The following ITPR3 variants were observed in gnomAD, a reference collection of about 807,000 sequenced individuals.
ITPR3 encodes the protein inositol 1,4,5-trisphosphate-gated calcium channel ITPR3.
Under a neutral mutation model 293.2 loss-of-function variants are expected in ITPR3, and 173 were observed. The ratio of observed to expected loss-of-function variants is 0.59; its 90% CI spans 0.52 to 0.67. The LOEUF (loss-of-function observed/expected upper bound fraction) is 0.67, where lower values mean the gene tolerates loss of function less well. Among genes scored for constraint, ITPR3 ranks in the 30% least tolerant of loss-of-function variants. The pLI, the probability that ITPR3 is intolerant of heterozygous loss-of-function variation, is 0.00. For missense variants in ITPR3, 2,796 were observed against 3,592.1 expected, an observed-to-expected ratio of 0.78 and a Z score of 5.66; for synonymous variants, 1,295 against 1,444.4, an observed-to-expected ratio of 0.90 and a Z score of 2.35.
rs1037541808 is a variant in ITPR3, at chr6:33,621,511, C to A, written c.-92C>A. 5.6e-5 allele frequency: 49 copies of A among 879,698 alleles called. No homozygotes were observed. The highest frequency in any genetic ancestry group is 8.3e-5 in the Non-Finnish European group (46 of 552,210). 54.5% of individuals were successfully genotyped at this position (879,698 alleles called of 1,614,324 possible). A position where few individuals can be genotyped will look rare whatever the true frequency, so the allele number is the denominator to read the frequency against. On this transcript the variant is annotated 5_prime_UTR_variant, in exon 1 of 58. Transcript: ENST00000605930. The surrounding 1 kb of genome is among the most constrained non-coding windows in gnomAD (Gnocchi z 7.7). ...GGATCCGAGGTGGGAGCGTACCCCTCCCCGCTCCCCGGACGCCTCAGTCCT... is the reference window on the plus strand; with the variant it reads ...GGATCCGAGGTGGGAGCGTACCCCTACCCGCTCCCCGGACGCCTCAGTCCT...
chr6:33,684,265 G>A lies in ITPR3; in HGVS notation c.4938-92G>A. The A allele has an allele frequency of 6.3e-7, 1 of 1,594,774 alleles. No individual in the cohort carries two copies. The highest frequency in any genetic ancestry group is 8.6e-7 in the Non-Finnish European group (1 of 1,165,986). ...CTAGACAGGCTCACTGGGTCAGAGG[G>A]CCTGGGGGTGTTCCTGCCTGGGATG... On this transcript the variant is annotated intron_variant, in intron 36 of 57. Transcript: ENST00000605930. This position sits in a 1 kb window ranked among gnomAD's most constrained non-coding sequence, Gnocchi z 4.2.
intron 9 of ITPR3, 39 bp from the exon 10 acceptor site, chr6:33,663,461 G>T (rs754255911): frequency 6.3e-7 from 1 of 1,577,192 alleles, no homozygotes; most frequent in Non-Finnish European, 8.6e-7. Flanking sequence ...GTATAGTTTG[G>T]TGTCCAGTAG....
intron 8 of ITPR3, 34 bp from the exon 9 acceptor site, chr6:33,662,875 GTC>G (rs1764509322): frequency 6.4e-7 from 1 of 1,558,552 alleles, no homozygotes; most frequent in African/African-American, 1.4e-5. Flanking sequence ...TGCCTGTCCA[GTC>G]TCTCCTTCCT....
rs374634349 is a variant in ITPR3, at chr6:33,691,790, T to A, written c.7331-11T>A. On this transcript the variant is annotated splice_polypyrimidine_tract_variant and intron_variant, in intron 53 of 57. Transcript: ENST00000605930. This position sits in a 1 kb window ranked among gnomAD's most constrained non-coding sequence, Gnocchi z 4.9. ...AGGCAGCCCGGGCCTCAGCACACTCTCCGCTTGCAGAGGACAGGGAGCTGG... is the reference window on the plus strand; with the variant it reads ...AGGCAGCCCGGGCCTCAGCACACTCACCGCTTGCAGAGGACAGGGAGCTGG... The A allele has an allele frequency of 8.1e-6, 13 of 1,613,740 alleles. No individual in the cohort carries two copies. In the African/African-American group the frequency reaches 1.7e-4, roughly 22 times the overall value.
In ITPR3 at chr6:33,695,735, G is replaced by A; in HGVS notation, c.7971G>A (p.Arg2657=). ...KEQMTEQRKR[R]QRLGFVDVQN... ...AGATGACGGAGCAGCGGAAACGCAGGCAACGCCTAGGCTTTGTGGATGTCC... is the reference window on the plus strand; with the variant it reads ...AGATGACGGAGCAGCGGAAACGCAGACAACGCCTAGGCTTTGTGGATGTCC... Residue 2657 remains arginine, a synonymous_variant, in exon 58 of 58, where the codon AGG becomes AGA. Coordinates refer to ENST00000605930, the MANE Select transcript of ITPR3 (RefSeq NM_002224.4). 3.1e-6 allele frequency: 5 copies of A among 1,614,040 alleles called. No individual in the cohort carries two copies. The East Asian group carries it at 1.1e-4, about 36-fold the overall frequency.
Position 33,658,050 on chromosome 6 carries a change from C to T in ITPR3, c.369+32C>T. On this transcript the variant is annotated intron_variant, in intron 4 of 57. Coordinates refer to ENST00000605930, the MANE Select transcript of ITPR3 (RefSeq NM_002224.4). This position sits in a 1 kb window ranked among gnomAD's most constrained non-coding sequence, Gnocchi z 6.1. The stretch of plus-strand genomic sequence containing the variant: ...CTGGCCTGCCTCTCTCCCGCCTGCC[C>T]CTCTCCCTGCCTAAGAGGCTGGGCT... 1.3e-6 allele frequency: 2 copies of T among 1,577,776 alleles called. No individual in the cohort carries two copies. Among genetic ancestry groups the T allele is most frequent in the Non-Finnish European group, 1.7e-6 (2 of 1,150,414 alleles).
intron 7 of ITPR3, among the ~76,000 whole-genome samples, chr6:33,662,239 G>T (rs1169969781): frequency 6.6e-6 from 1 of 152,074 alleles, no homozygotes; most frequent in Non-Finnish European, 1.5e-5. Flanking sequence ...GTTAGGCAGG[G>T]TGTCTAGAGG....
chr6:33,686,967 G>A (rs1765248069), intron 43 of ITPR3, 42 bp from the exon 44 acceptor site: 1 of 1,496,724 alleles, frequency 6.7e-7, no homozygotes, highest in East Asian at 2.3e-5. Flanking sequence ...GGGGCATGGT[G>A]TCCTGAGACT....
chr6:33,659,039 G>A lies in ITPR3; in HGVS notation c.547G>A (p.Val183Met), dbSNP rs747199127. The A allele has an allele frequency of 1.9e-6, 3 of 1,614,104 alleles. No homozygotes were observed. In the Admixed American group the frequency reaches 5.0e-5, roughly 27 times the overall value. ...TGCTCAGGTGGTCGTGGGGGACAAG[G>A]TGATCCTGAATCCTGTCAATGCCGG... is the stretch of plus-strand genomic sequence containing the variant. ...NGDNVVVGDK[V>M]ILNPVNAGQP... Residue 183 changes from valine to methionine, a missense_variant, in exon 6 of 58, where the codon GTG becomes ATG. This residue lies in a region of ITPR3 where 144 missense variants were observed against 230.8 expected (regional missense o/e 0.62). Coordinates refer to ENST00000605930, the MANE Select transcript of ITPR3 (RefSeq NM_002224.4).
chr6:33,681,744 G>C (rs567306492), intron 33 of ITPR3, among the ~76,000 whole-genome samples: 1 of 152,332 alleles, frequency 6.6e-6, no homozygotes, highest in East Asian at 1.9e-4. Flanking sequence ...CTCAGGAAGG[G>C]TGGTGTATTT....
intron 47 of ITPR3, 26 bp downstream of exon 47, chr6:33,688,193 G>A: frequency 1.2e-6 from 2 of 1,613,902 alleles, no homozygotes; most frequent in South Asian, 1.1e-5. Flanking sequence ...GCAGGGGCGG[G>A]CGTGGGAGCC....
At position 33,687,578 on chromosome 6, in the gene ITPR3, C is replaced by T; in HGVS notation, c.6264+14C>T. 2 of 1,442,838 alleles carry T rather than the reference C, an allele frequency of 1.4e-6. No individual in the cohort carries two copies. Among genetic ancestry groups the T allele is most frequent in the Non-Finnish European group, 1.9e-6 (2 of 1,030,524 alleles). The allele number at this position is 1,442,838 out of a possible 1,614,324, so 89.4% of individuals were successfully genotyped here. On this transcript the variant is annotated intron_variant, in intron 46 of 57. Transcript: ENST00000605930. The surrounding 1 kb of genome is among the most constrained non-coding windows in gnomAD (Gnocchi z 5.3). The stretch of plus-strand genomic sequence containing the variant: ...ATCTCTTCCATGGTGGGTGCTGGCC[C>T]CGAGACTGGGGTGGGGGTGGGGCCT...
chr6:33,647,346 G>A (rs570525153), intron 2 of ITPR3, among the ~76,000 whole-genome samples: 45 of 152,204 alleles, frequency 3.0e-4, no homozygotes, highest in Middle Eastern at 6.8e-3. Flanking sequence ...ATTTTTAATT[G>A]TGGTAAGATT....
At chr6:33,669,249 C>A in intron 18 of ITPR3, 93 bp downstream of exon 18, 1 of 1,338,456 alleles carries the variant, frequency 7.5e-7, no homozygotes, top group Non-Finnish European at 1.0e-6. Flanking sequence ...TGAGCTCTGA[C>A]AGCCTCAGGT....
At chr6:33,671,586 C>G (rs1398560969) in intron 21 of ITPR3, among the ~76,000 whole-genome samples, 4 of 152,118 alleles carry the variant, frequency 2.6e-5, no homozygotes, top group African/African-American at 7.2e-5. Flanking sequence ...GCTCTGTCAT[C>G]GTGTGTGTGA....
rs1391455506 is a variant in ITPR3 at position 33,678,764 on chromosome 6, C to T, written c.3897C>T (p.Tyr1299=). ...CCACGCACGGGCGCCATGTGCAGTA[C>T]CTGGACTTCCTGCACACCGTCATTA... is the stretch of plus-strand genomic sequence containing the variant. ...LLATHGRHVQ[Y]LDFLHTVIKA... The change falls in exon 30 of 58, where the codon TAC becomes TAT. Residue 1299 remains tyrosine (Y), a synonymous_variant. Transcript: ENST00000605930. The T allele has an allele frequency of 6.2e-7, 1 of 1,613,440 alleles. No individual in the cohort carries two copies. The highest frequency in any genetic ancestry group is 8.5e-7 in the Non-Finnish European group (1 of 1,179,882).
intron 2 of ITPR3, among the ~76,000 whole-genome samples, chr6:33,653,224 A>T (rs956392257): frequency 4.6e-5 from 7 of 151,606 alleles, no homozygotes; most frequent in East Asian, 1.9e-4. Context: ...TTATTTTTTT[A>T]AATTATTTTT....
rs574582922 is a variant in ITPR3, at chr6:33,632,251, T to G, written c.90-8233T>G. Among the ~76,000 whole-genome samples, 1 of 149,644 alleles carries G rather than the reference T, an allele frequency of 6.7e-6. No individual in the cohort carries two copies. Among genetic ancestry groups the G allele is most frequent in the East Asian group, 2.0e-4 (1 of 4,978 alleles). On this transcript the variant is annotated intron_variant, in intron 1 of 57. Coordinates refer to ENST00000605930, the MANE Select transcript of ITPR3 (RefSeq NM_002224.4). This position sits in a 1 kb window ranked among gnomAD's most constrained non-coding sequence, Gnocchi z 4.1. ...CTGAATGGGGGTGGGGGGAGGGTTG[T>G]TCAGGGTCCCTCGGGGATTTCCCCA...
intron 1 of ITPR3, among the ~76,000 whole-genome samples, chr6:33,635,290 C>G (rs181638673): frequency 6.6e-6 from 1 of 152,280 alleles, no homozygotes; most frequent in African/African-American, 2.4e-5. Context: ...GATACATATT[C>G]TTTATATTAT....
Sources: allele counts gnomAD v4.1 joint callset (sites outside exome capture counted in the v4.1 genomes callset), GRCh38; gene constraint gnomAD v4.1.1; regional missense constraint gnomAD v4.1.1; non-coding constraint Gnocchi (gnomAD v3.1); transcripts MANE v1.5; gene names NCBI Gene and HGNC (gene_info 2026-07-23, HGNC 2026-07-21).